L3MBTL4: variants seen among roughly 807,000 people sequenced by gnomAD.
L3MBTL4 encodes lethal(3)malignant brain tumor-like protein 4.
In L3MBTL4, 70 loss-of-function variants were observed where a neutral mutation model predicts 84.5. That is an observed-to-expected ratio of 0.83 (90% CI 0.68 to 1.01). L3MBTL4 has a LOEUF of 1.01. Among genes scored for constraint, L3MBTL4 ranks in the 50% least tolerant of loss-of-function variants. The pLI, the probability that L3MBTL4 is intolerant of heterozygous loss-of-function variation, is 0.00. For missense variants in L3MBTL4, 715 were observed against 754.8 expected (o/e 0.95, Z 0.62); for synonymous variants, 274 against 259.8 (o/e 1.05, Z -0.52).
intron 1 of L3MBTL4, among the ~76,000 whole-genome samples, chr18:6,359,230 T>C (rs2053574093): frequency 6.6e-6 from 1 of 152,158 alleles, no homozygotes; most frequent in Admixed American, 6.5e-5. Flanking sequence ...GAAGCCAAAG[T>C]AGACAGATCA....
Position 5,956,912 on chromosome 18 carries a change from T to A in L3MBTL4, c.1678-525A>T, listed in dbSNP as rs1009928282. 2.4e-3 allele frequency among the ~76,000 whole-genome samples: 146 copies of A among 60,516 alleles called. 1 individual carries two copies. The highest frequency in any genetic ancestry group is 6.8e-3 in the African/African-American group (133 of 19,630). The allele number at this position is 60,516 out of a possible 152,430, so 39.7% of individuals were successfully genotyped here. A position where few individuals can be genotyped will look rare whatever the true frequency, so the allele number is the denominator to read the frequency against. On this transcript the variant is annotated intron_variant, in intron 18 of 18. Transcript: ENST00000317931. ...TTGAAACATTTAATGATTTAGGAAT[T>A]TTTTTTTTATAGATCAGTAAACAAC...
intron 1 of L3MBTL4, among the ~76,000 whole-genome samples, chr18:6,338,253 G>A (rs2052439443): frequency 6.6e-6 from 1 of 151,886 alleles, no homozygotes; most frequent in African/African-American, 2.4e-5. Flanking sequence ...GAATGGTGGA[G>A]AGGAGAGGAG....
intron 1 of L3MBTL4, among the ~76,000 whole-genome samples, chr18:6,327,900 A>G (rs935558122): frequency 2.6e-5 from 4 of 152,232 alleles, no homozygotes; most frequent in African/African-American, 9.6e-5. Flanking sequence ...CCTGAATATC[A>G]TCATCAAGTA....
At chr18:6,029,598 G>A (rs1029264338) in intron 16 of L3MBTL4, 15 of 985,010 alleles carry the variant, frequency 1.5e-5, no homozygotes, top group East Asian at 1.1e-4. Flanking sequence ...AATAAACTTC[G>A]TAAGAAGGAC....
intron 12 of L3MBTL4, among the ~76,000 whole-genome samples, chr18:6,195,922 G>T (rs1200837713): frequency 1.3e-5 from 2 of 152,088 alleles, no homozygotes; most frequent in Admixed American, 1.3e-4. Context: ...TGTCGGCTTA[G>T]TTCCACTCCT....
At chr18:6,141,333 G>A (rs1171385093) in intron 13 of L3MBTL4, among the ~76,000 whole-genome samples, 3 of 151,862 alleles carry the variant, frequency 2.0e-5, no homozygotes, top group Non-Finnish European at 4.4e-5. Context: ...TTTGCTCCTG[G>A]GCCATTCATT....
At chr18:6,130,885 C>T (rs2059857014) in intron 14 of L3MBTL4, among the ~76,000 whole-genome samples, 3 of 152,106 alleles carry the variant, frequency 2.0e-5, no homozygotes, top group Admixed American at 2.0e-4. Context: ...AGAACTGATG[C>T]AATTTATTTC....
At position 6,406,247 on chromosome 18, in the gene L3MBTL4, T is replaced by C. The variant is rs144404828; in HGVS notation, c.-91+8554A>G. Reference sequence around the variant, plus strand: ...ACTCAGATGGATAAATGTGGGCAAATTGGTCTTCAAACTGCTATTGATAAT... The same window carrying C: ...ACTCAGATGGATAAATGTGGGCAAACTGGTCTTCAAACTGCTATTGATAAT... On this transcript the variant is annotated intron_variant, in intron 1 of 18. Coordinates refer to ENST00000317931, the MANE Select transcript of L3MBTL4 (RefSeq NM_001330559.2). Among the ~76,000 whole-genome samples the C allele has an allele frequency of 5.3e-5, 8 of 152,298 alleles. No individual in the cohort carries two copies. The East Asian group carries it at 1.5e-3, about 29-fold the overall frequency.
chr18:6,248,786 C>A (rs1052377840), intron 5 of L3MBTL4, among the ~76,000 whole-genome samples: 1 of 152,206 alleles, frequency 6.6e-6, no homozygotes, highest in Admixed American at 6.5e-5. Flanking sequence ...CTCTTTTTCA[C>A]AGCTGCATTG....
intron 13 of L3MBTL4, among the ~76,000 whole-genome samples, chr18:6,169,250 C>A (rs2043842008): frequency 6.6e-6 from 1 of 152,164 alleles, no homozygotes; most frequent in Non-Finnish European, 1.5e-5. Context: ...ACTAGTTCAA[C>A]CATTGTGGAA....
chr18:6,276,091 T>C (rs1211918270), intron 4 of L3MBTL4, among the ~76,000 whole-genome samples: 1 of 152,228 alleles, frequency 6.6e-6, no homozygotes, highest in Admixed American at 6.5e-5. Flanking sequence ...GAAAGGCTAA[T>C]TAGAAACTCA....
chr18:6,262,572 A>G (rs1317035420), intron 5 of L3MBTL4, among the ~76,000 whole-genome samples: 1 of 152,168 alleles, frequency 6.6e-6, no homozygotes, highest in African/African-American at 2.4e-5. Flanking sequence ...CAAAGAATGC[A>G]GGAGGTTCTC....
In L3MBTL4 at chr18:6,187,867, A is replaced by C. The variant is rs963413878; in HGVS notation, c.982-15925T>G. 1.4e-4 allele frequency among the ~76,000 whole-genome samples: 17 copies of C among 119,152 alleles called. No individual in the cohort carries two copies. In the East Asian group the frequency reaches 1.4e-3, roughly 10 times the overall value. The allele number at this position is 119,152 out of a possible 152,430, so 78.2% of individuals were successfully genotyped here. On this transcript the variant is annotated intron_variant, in intron 12 of 18. Transcript: ENST00000317931. ...TATTGTCCACAAGGCTCTTGGTACCAAAAAAAAAAAAAAAAAGTGGTGTCT... is the reference window on the plus strand; with the variant it reads ...TATTGTCCACAAGGCTCTTGGTACCCAAAAAAAAAAAAAAAAGTGGTGTCT...
rs978156508 is a variant in L3MBTL4, at chr18:6,261,532, C to T, written c.219+2415G>A. Among the ~76,000 whole-genome samples the T allele has an allele frequency of 5.3e-5, 8 of 152,294 alleles. No homozygotes were observed. The South Asian group carries it at 6.2e-4, about 12-fold the overall frequency. On this transcript the variant is annotated intron_variant, in intron 5 of 18. Coordinates refer to ENST00000317931, the MANE Select transcript of L3MBTL4 (RefSeq NM_001330559.2). ...CCACTCCTGTCTGTATGTCCCACAACGTTGTGCCCCTCCCACTTACTGCCT... is the reference window on the plus strand; with the variant it reads ...CCACTCCTGTCTGTATGTCCCACAATGTTGTGCCCCTCCCACTTACTGCCT...
chr18:6,037,088 C>A (rs2056176116), intron 16 of L3MBTL4, among the ~76,000 whole-genome samples: 1 of 152,338 alleles, frequency 6.6e-6, no homozygotes, highest in Non-Finnish European at 1.5e-5. Flanking sequence ...ATGCTCACCA[C>A]CTCTTTGCAC....
chr18:6,174,687 C>T (rs1405028956), intron 12 of L3MBTL4, among the ~76,000 whole-genome samples: 1 of 150,980 alleles, frequency 6.6e-6, no homozygotes, highest in Admixed American at 6.6e-5. Flanking sequence ...CTGGCCAACA[C>T]GGTGAAGCCC....
intron 18 of L3MBTL4, among the ~76,000 whole-genome samples, chr18:5,959,135 A>G (rs2095249416): frequency 6.6e-6 from 1 of 152,198 alleles, no homozygotes; most frequent in Non-Finnish European, 1.5e-5. Flanking sequence ...TAACTCATGC[A>G]TGCTCTGAAC....
intron 1 of L3MBTL4, among the ~76,000 whole-genome samples, chr18:6,313,019 G>C (rs2050911733): frequency 6.6e-6 from 1 of 152,150 alleles, no homozygotes; most frequent in Non-Finnish European, 1.5e-5. Flanking sequence ...CCTTCAGAAA[G>C]GTCTTCCTTG....
intron 1 of L3MBTL4, among the ~76,000 whole-genome samples, chr18:6,336,801 C>T (rs545869093): frequency 1.6e-4 from 25 of 152,128 alleles, no homozygotes; most frequent in East Asian, 1.5e-3. Flanking sequence ...AAATTACAGG[C>T]GTAGTAAGAG....
Sources: gnomAD v4.1 joint callset for allele counts (sites outside exome capture counted in the v4.1 genomes callset) on GRCh38, gnomAD v4.1.1 for gene constraint, MANE v1.5 for transcripts, NCBI Gene and HGNC (gene_info 2026-07-23, HGNC 2026-07-21) for gene names.